Variants in MIS18BP1 observed in about 807,000 individuals in gnomAD.
The protein encoded by MIS18BP1 is mis18-binding protein 1.
A neutral mutation model predicts 116.1 loss-of-function variants in MIS18BP1; 72 were observed. The ratio of observed to expected loss-of-function variants is 0.62; its 90% CI spans 0.51 to 0.75. The LOEUF (loss-of-function observed/expected upper bound fraction) is 0.75, where lower values mean the gene tolerates loss of function less well. Among genes scored for constraint, MIS18BP1 ranks in the 30% least tolerant of loss-of-function variants. The pLI is 0.00. For synonymous variants in MIS18BP1, 386 were observed against 427.0 expected (o/e 0.90, Z 1.18); for missense variants, 1,363 against 1,303.2 (o/e 1.05, Z -0.71).
intron 11 of MIS18BP1, among the ~76,000 whole-genome samples, chr14:45,221,362 GGGA>G (rs1378734387): frequency 1.3e-5 from 2 of 151,848 alleles, no homozygotes; most frequent in Non-Finnish European, 2.9e-5. Context: ...GTGTGAACCT[GGGA>G]GGTGGAGCTT....
intron 6 of MIS18BP1, among the ~76,000 whole-genome samples, chr14:45,235,598 A>AG (rs1314687439): frequency 6.6e-6 from 1 of 151,900 alleles, no homozygotes; most frequent in African/African-American, 2.4e-5. Flanking sequence ...TCCAAAAAAA[A>AG]AAAAAAAAAC....
At chr14:45,237,396 G>GA (rs1344515324) in intron 5 of MIS18BP1, among the ~76,000 whole-genome samples, 2 of 151,968 alleles carry the variant, frequency 1.3e-5, no homozygotes, top group African/African-American at 2.4e-5. Context: ...TAGCACCTCA[G>GA]AAAAAAATAA....
At chr14:45,250,052 G>A (rs1037358628) in intron 1 of MIS18BP1, 1 of 152,186 alleles carries the variant, frequency 6.6e-6, no homozygotes, top group Non-Finnish European at 1.5e-5. Context: ...ATGCAGAACT[G>A]TCTTCATTTA....
Position 45,210,453 on chromosome 14 carries a change from A to G in MIS18BP1, c.3079T>C (p.Ser1027Pro). ...GTTTTTACCAATGGAAAGATAACTG[A>G]TGATGGAGTTGTTGGATTTTTGTCC... Reference protein sequence around the residue: ...NMDKNPTTPSSVIFPLVKTPQ... With the variant: ...NMDKNPTTPSPVIFPLVKTPQ... Residue 1027 changes from serine to proline, a missense_variant, in exon 14 of 17, where the codon TCA becomes CCA. By Grantham distance (74) the Ser-to-Pro change is moderately conservative. Coordinates refer to ENST00000310806, the MANE Select transcript of MIS18BP1 (RefSeq NM_018353.5). 1.2e-6 allele frequency: 2 copies of G among 1,614,066 alleles called. No homozygotes were observed. The highest frequency in any genetic ancestry group is 1.1e-5 in the South Asian group (1 of 91,084).
chr14:45,219,897 T>C (rs1045247791), intron 11 of MIS18BP1, among the ~76,000 whole-genome samples: 6 of 152,162 alleles, frequency 3.9e-5, no homozygotes, highest in Non-Finnish European at 8.8e-5. Context: ...ACTTAACACA[T>C]CTCCTCTAGG....
At chr14:45,206,322 T>C (rs1890516757) in intron 14 of MIS18BP1, 152 bp from the exon 15 acceptor site, 3 of 586,086 alleles carry the variant, frequency 5.1e-6, no homozygotes. Flanking sequence ...GGTCTCACTC[T>C]GTCGCCCAGG....
chr14:45,236,540 C>T (rs1455596607), intron 5 of MIS18BP1, among the ~76,000 whole-genome samples: 4 of 152,034 alleles, frequency 2.6e-5, no homozygotes, highest in Admixed American at 2.6e-4. Context: ...TGAACACTGT[C>T]CCATTCATCA....
At position 45,217,049 on chromosome 14, in the gene MIS18BP1, A is replaced by C; in HGVS notation, c.2973T>G (p.Ser991Arg). Residue 991 changes from serine (S) to arginine (R), a missense_variant, in exon 13 of 17, where the codon AGT becomes AGG. Ser to Arg is a moderately radical substitution (Grantham distance 110). Transcript: ENST00000310806. ...LPKDDHDDFFSTTPLQHQRIL... is the reference protein window; with the variant it reads ...LPKDDHDDFFRTTPLQHQRIL... ...TTCTTTGATGCTGTAAAGGTGTTGTACTGAAAAAATCATCATGGTCATCTT... is the reference window on the plus strand; with the variant it reads ...TTCTTTGATGCTGTAAAGGTGTTGTCCTGAAAAAATCATCATGGTCATCTT... 4 of 1,614,134 alleles carry C rather than the reference A, an allele frequency of 2.5e-6. No individual in the cohort carries two copies. Among genetic ancestry groups the C allele is most frequent in the Non-Finnish European group, 3.4e-6 (4 of 1,179,990 alleles).
chr14:45,250,870 T>C (rs931523277), intron 1 of MIS18BP1, among the ~76,000 whole-genome samples: 10 of 152,268 alleles, frequency 6.6e-5, no homozygotes, highest in African/African-American at 1.9e-4. Flanking sequence ...AACCGGTCTC[T>C]ACTAAAAATA....
At chr14:45,240,378 G>C (rs540482240) in intron 4 of MIS18BP1, among the ~76,000 whole-genome samples, 49 of 152,220 alleles carry the variant, frequency 3.2e-4, no homozygotes, top group African/African-American at 1.2e-3. Flanking sequence ...GCCAGGCGTG[G>C]TGGCTCACAC....
chr14:45,214,879 G>A (rs1284142828), intron 13 of MIS18BP1, among the ~76,000 whole-genome samples: 1 of 152,128 alleles, frequency 6.6e-6, no homozygotes, highest in Non-Finnish European at 1.5e-5. Context: ...AGCATCCCCA[G>A]TAGCTGGGAT....
chr14:45,234,641 G>A (rs1566816115), intron 6 of MIS18BP1, among the ~76,000 whole-genome samples: 1 of 152,194 alleles, frequency 6.6e-6, no homozygotes, highest in Non-Finnish European at 1.5e-5. Flanking sequence ...CAGGAAGGTT[G>A]GGAGAGTGAA....
chr14:45,241,300 T>A (rs2139233231), intron 4 of MIS18BP1, among the ~76,000 whole-genome samples: 1 of 152,136 alleles, frequency 6.6e-6, no homozygotes. Flanking sequence ...TAAAACCCCG[T>A]CTCTACTAAA....
chr14:45,216,820 T>C (rs1230120043), intron 13 of MIS18BP1, among the ~76,000 whole-genome samples, 199 bp downstream of exon 13: 1 of 152,228 alleles, frequency 6.6e-6, no homozygotes, highest in Non-Finnish European at 1.5e-5. Flanking sequence ...AACATTACCT[T>C]TGAACCAACT....
Position 45,249,255 on chromosome 14 carries a change from C to A in MIS18BP1, c.-91-1878G>T, listed in dbSNP as rs1317112732. On this transcript the variant is annotated intron_variant, in intron 1 of 16. Coordinates refer to ENST00000310806, the MANE Select transcript of MIS18BP1 (RefSeq NM_018353.5). ...CACAGGCACATGCCACCCCACCCGG[C>A]TAATTTTTGTATTTTTAGTAGAGAC... Among the ~76,000 whole-genome samples, 5 of 152,216 alleles carry A rather than the reference C, an allele frequency of 3.3e-5. No individual in the cohort carries two copies. The East Asian group carries it at 9.7e-4, about 30-fold the overall frequency.
chr14:45,209,000 TTTTTC>T (rs1258816537), intron 14 of MIS18BP1, among the ~76,000 whole-genome samples: 2 of 152,126 alleles, frequency 1.3e-5, no homozygotes, highest in Non-Finnish European at 2.9e-5. Context: ...CACCCCTACT[TTTTTC>T]TTAATTTTAT....
chr14:45,205,752 A>G (rs779838538), intron 15 of MIS18BP1, among the ~76,000 whole-genome samples: 14 of 152,208 alleles, frequency 9.2e-5, no homozygotes, highest in African/African-American at 2.4e-4. Context: ...TTATTCTTCA[A>G]TCCTTGAACA....
chr14:45,235,770 G>A (rs1891411104), intron 6 of MIS18BP1, 44 bp downstream of exon 6: 3 of 1,529,658 alleles, frequency 2.0e-6, no homozygotes, highest in Middle Eastern at 1.7e-4. Flanking sequence ...ATGGTTAACT[G>A]CTTTACTTCT....
At chr14:45,243,794 T>G (rs1349650485) in intron 2 of MIS18BP1, among the ~76,000 whole-genome samples, 10 of 152,128 alleles carry the variant, frequency 6.6e-5, no homozygotes, top group Non-Finnish European at 1.3e-4. Flanking sequence ...ATTTATTCAC[T>G]TATGTGGGAG....
Sources: allele counts gnomAD v4.1 joint callset (sites outside exome capture counted in the v4.1 genomes callset), GRCh38; gene constraint gnomAD v4.1.1; transcripts MANE v1.5; gene names NCBI Gene and HGNC (gene_info 2026-07-23, HGNC 2026-07-21).